Variants in BCAR3 observed in about 807,000 individuals in gnomAD.
BCAR3 encodes the protein BCAR3 adaptor protein, NSP family member.
Under a neutral mutation model 80.1 loss-of-function variants are expected in BCAR3, and 37 were observed. The observed-to-expected ratio is 0.46, with a 90% confidence interval of 0.36 to 0.61. The LOEUF (loss-of-function observed/expected upper bound fraction) is 0.61. BCAR3 is among the 20% of genes least tolerant of loss of function. The pLI is 0.00. For synonymous variants in BCAR3, 389 were observed against 418.9 expected (o/e 0.93, Z 0.87); for missense variants, 978 against 1,068.2 (o/e 0.92, Z 1.18).
Position 93,741,420 on chromosome 1 carries a change from G to A in BCAR3, c.-62-35278C>T, listed in dbSNP as rs1400337601. Among the ~76,000 whole-genome samples, 8 of 152,228 alleles carry A rather than the reference G, an allele frequency of 5.3e-5. No individual in the cohort carries two copies. In the South Asian group the frequency reaches 6.2e-4, roughly 12 times the overall value. On this transcript the variant is annotated intron_variant, in intron 2 of 13. Coordinates refer to the BCAR3 transcript ENST00000370244. ...CATGGGGAAATTACTCTCTGTGCCC[G>A]GGTTGTCTTTTCAGTAAAACAAAGA...
chr1:93,733,043 A>G (rs1650846057), intron 2 of BCAR3, among the ~76,000 whole-genome samples: 1 of 152,246 alleles, frequency 6.6e-6, no homozygotes, highest in South Asian at 2.1e-4. Flanking sequence ...TACAAAACTG[A>G]GACCAATGCA....
intron 2 of BCAR3, among the ~76,000 whole-genome samples, chr1:93,768,657 C>G (rs1347129489): frequency 6.6e-6 from 1 of 152,186 alleles, no homozygotes; most frequent in Non-Finnish European, 1.5e-5. Context: ...AAAAAGACAG[C>G]AGCGATGAGA....
intron 2 of BCAR3, among the ~76,000 whole-genome samples, chr1:93,644,910 C>A (rs1395766501): frequency 1.3e-5 from 2 of 152,196 alleles, no homozygotes; most frequent in African/African-American, 4.8e-5. Flanking sequence ...GTTTAAGAAT[C>A]CTAATTCCAG....
rs558279760 is a variant in BCAR3 at position 93,676,997 on chromosome 1, T to A, written c.-11-2056A>T. On this transcript the variant is annotated intron_variant, in intron 1 of 11. Transcript: ENST00000260502. ...TCAAGTTACCAACACCTCAATTTAT[T>A]CTCCAATAACAAGGGATGTTAATAC... 5.4e-4 allele frequency among the ~76,000 whole-genome samples: 82 copies of A among 152,332 alleles called. 1 individual carries two copies. Among genetic ancestry groups the A allele is most frequent in the African/African-American group, 1.9e-3 (77 of 41,574 alleles).
intron 3 of BCAR3, among the ~76,000 whole-genome samples, chr1:93,609,623 G>A (rs986322756): frequency 1.3e-5 from 2 of 152,198 alleles, no homozygotes; most frequent in African/African-American, 2.4e-5. Flanking sequence ...GTAGGGGTTT[G>A]TTTCCAGTGC....
chr1:93,731,640 G>A (rs1650792074), intron 2 of BCAR3, among the ~76,000 whole-genome samples: 1 of 132,990 alleles, frequency 7.5e-6, no homozygotes, highest in Admixed American at 8.4e-5. Flanking sequence ...AATAGTAGAT[G>A]TTAAAGTAAA....
intron 3 of BCAR3, among the ~76,000 whole-genome samples, chr1:93,631,094 A>T (rs560558720): frequency 1.7e-4 from 26 of 152,318 alleles, no homozygotes; most frequent in African/African-American, 6.3e-4. Flanking sequence ...CAATGGCTCC[A>T]AAGGTTGCAG....
intron 6 of BCAR3, 56 bp downstream of exon 6, chr1:93,583,962 C>A: frequency 6.5e-7 from 1 of 1,547,502 alleles, no homozygotes; most frequent in East Asian, 2.3e-5. Context: ...AGGGTAACAG[C>A]CTGAAGGAAA....
chr1:93,740,928 A>T (rs1314709454), intron 2 of BCAR3, among the ~76,000 whole-genome samples: 2 of 152,128 alleles, frequency 1.3e-5, no homozygotes, highest in African/African-American at 4.8e-5. Flanking sequence ...CAGCCCTTAG[A>T]TGCAAGCGCG....
upstream of BCAR3, chr1:93,847,880 T>TGTAG (rs1655288347): frequency 1.3e-5 from 3 of 222,754 alleles, no homozygotes; most frequent in South Asian, 1.1e-4. Context: ...GGGCAGTCGA[T>TGTAG]GTAGGTCCTG....
intron 1 of BCAR3, among the ~76,000 whole-genome samples, chr1:93,845,994 A>G (rs1655162128): frequency 6.6e-6 from 1 of 151,452 alleles, no homozygotes; most frequent in Non-Finnish European, 1.5e-5. Flanking sequence ...GTTTGCAAAC[A>G]TAACAAAATA....
chr1:93,801,256 T>C (rs965273524), intron 2 of BCAR3, among the ~76,000 whole-genome samples: 1 of 152,212 alleles, frequency 6.6e-6, no homozygotes, highest in Admixed American at 6.5e-5. Context: ...GAGCAGTAAG[T>C]TGTTGAATCT....
intron 3 of BCAR3, among the ~76,000 whole-genome samples, chr1:93,608,483 G>A (rs961464247): frequency 6.6e-6 from 1 of 152,216 alleles, no homozygotes; most frequent in Admixed American, 6.5e-5. Context: ...TGTGCGGGGA[G>A]ACCTTTGTGG....
In BCAR3 at chr1:93,757,235, G is replaced by T. The variant is rs944004999; in HGVS notation, c.-62-51093C>A. Among the ~76,000 whole-genome samples, 3 of 152,314 alleles carry T rather than the reference G, an allele frequency of 2.0e-5. No homozygotes were observed. In the East Asian group the frequency reaches 5.8e-4, roughly 29 times the overall value. On this transcript the variant is annotated intron_variant, in intron 2 of 13. Transcript: ENST00000370244. The stretch of plus-strand genomic sequence containing the variant: ...GGGGCACACAATCATGGGGCCTGGG[G>T]GCTGAAGCCCGGCCAAAGAAGTTGG...
chr1:93,584,836 C>G (rs1378630884), intron 5 of BCAR3: 2 of 361,898 alleles, frequency 5.5e-6, no homozygotes, highest in African/African-American at 4.4e-5. Flanking sequence ...CTGGGAATTT[C>G]TCCAGCACCA....
At chr1:93,581,215 C>T (rs1673694112) in intron 7 of BCAR3, among the ~76,000 whole-genome samples, 1 of 151,556 alleles carries the variant, frequency 6.6e-6, no homozygotes, top group Non-Finnish European at 1.5e-5. Flanking sequence ...GAAAGACAGT[C>T]ATGTTTGTCA....
intron 2 of BCAR3, among the ~76,000 whole-genome samples, chr1:93,774,067 T>C (rs1002033277): frequency 2.0e-5 from 3 of 152,190 alleles, no homozygotes; most frequent in African/African-American, 7.2e-5. Flanking sequence ...CGAATAACTA[T>C]CAATTGGCCA....
At position 93,571,838 on chromosome 1, in the gene BCAR3, G is replaced by A; in HGVS notation, c.1806C>T (p.His602=). The part of the protein sequence containing the change: ...HQLRLDIIER[H]NTMAIGIAVD... ...CTGCAATGCCGATGGCCATTGTGTT[G>A]TGTCTGAAAGCCAGGAGATCAGCGG... Residue 602 remains histidine, a synonymous_variant, in exon 9 of 12, where the codon CAC becomes CAT. Transcript: ENST00000260502. The A allele has an allele frequency of 6.2e-7, 1 of 1,611,752 alleles. No homozygotes were observed. Among genetic ancestry groups the A allele is most frequent in the Non-Finnish European group, 8.5e-7 (1 of 1,178,528 alleles).
intron 3 of BCAR3, among the ~76,000 whole-genome samples, chr1:93,694,378 CTG>C (rs34714272): frequency 0.11 from 16,562 of 152,214 alleles, 984 homozygotes; most frequent in Non-Finnish European, 0.13. Flanking sequence ...ATCCCGGCTA[CTG>C]TGACTGAGCC....
Sources: allele counts gnomAD v4.1 joint callset (sites outside exome capture counted in the v4.1 genomes callset), GRCh38; gene constraint gnomAD v4.1.1; transcripts MANE v1.5; gene names NCBI Gene and HGNC (gene_info 2026-07-23, HGNC 2026-07-21).